Variants in MSN observed in about 807,000 individuals in gnomAD.
MSN encodes the protein moesin.
A neutral mutation model predicts 48.0 loss-of-function variants in MSN; 2 were observed. That is an observed-to-expected ratio of 0.04 (90% CI 0.02 to 0.13). MSN has a LOEUF of 0.13. Ranked by LOEUF, MSN falls within the 10% of genes least tolerant of loss-of-function variation. The pLI is 1.00. For missense variants in MSN, 267 were observed against 470.1 expected, an observed-to-expected ratio of 0.57 and a Z score of 3.99; for synonymous variants, 146 against 166.9, an observed-to-expected ratio of 0.87 and a Z score of 0.97.
chrX:65,691,470 C>CT (rs1236478537), intron 1 of MSN, among the ~76,000 whole-genome samples: 1 of 111,763 alleles, frequency 8.9e-6, no homozygotes, highest in Non-Finnish European at 1.9e-5. Flanking sequence ...GGTGTATATA[C>CT]TTTCACATGT....
At chrX:65,599,491 G>C (rs2070215146) in intron 1 of MSN, among the ~76,000 whole-genome samples, 1 of 111,207 alleles carries the variant, frequency 9.0e-6, no homozygotes, top group Admixed American at 9.6e-5. Context: ...AAATTAGCTG[G>C]GCGTAGTGGC....
rs193137767 is a variant in MSN at position 65,695,217 on chromosome X, C to T, written c.13-21601C>T. On this transcript the variant is annotated intron_variant, in intron 1 of 12. Coordinates refer to ENST00000360270, the MANE Select transcript of MSN (RefSeq NM_002444.3). Reference sequence around the variant, plus strand: ...TCCATGTGTATTGAAAGTATGTTGTCGGGCCGGGCGTGTTGGCTCACGCCT... The same window carrying T: ...TCCATGTGTATTGAAAGTATGTTGTTGGGCCGGGCGTGTTGGCTCACGCCT... 1.8e-3 allele frequency among the ~76,000 whole-genome samples: 193 copies of T among 109,663 alleles called. 1 individual carries two copies. The highest frequency in any genetic ancestry group is 8.8e-3 in the Admixed American group (91 of 10,290).
intron 1 of MSN, among the ~76,000 whole-genome samples, chrX:65,668,822 G>A (rs1377450056): frequency 8.9e-6 from 1 of 112,090 alleles, no homozygotes; most frequent in Non-Finnish European, 1.9e-5. Context: ...GAAAGGCCTG[G>A]TGACCACCCT....
chrX:65,638,403 T>C lies in MSN; in HGVS notation c.-22+49791T>C, dbSNP rs73629467. 8.5e-3 allele frequency among the ~76,000 whole-genome samples: 957 copies of C among 112,390 alleles called. 9 individuals are homozygous for C. Among genetic ancestry groups the C allele is most frequent in the African/African-American group, 0.029 (912 of 31,023 alleles). ...CCATTGTATTTATCACTCTGGGCCTTGATAGTATATTTATACATCTGCTTC... is the reference window on the plus strand; with the variant it reads ...CCATTGTATTTATCACTCTGGGCCTCGATAGTATATTTATACATCTGCTTC... On this transcript the variant is annotated intron_variant, in intron 1 of 3. Transcript: ENST00000609672.
At chrX:65,730,774 G>T (rs1427488389) in intron 4 of MSN, among the ~76,000 whole-genome samples, 1 of 110,983 alleles carries the variant, frequency 9.0e-6, no homozygotes, top group Admixed American at 9.6e-5. Context: ...CATCCCTACT[G>T]TTAGCCCCTA....
chrX:65,639,220 T>C (rs2070629446), intron 1 of MSN, among the ~76,000 whole-genome samples: 1 of 111,248 alleles, frequency 9.0e-6, no homozygotes, highest in South Asian at 3.8e-4. Flanking sequence ...CTTGGCTCAC[T>C]GCGACCTCCG....
intron 1 of MSN, among the ~76,000 whole-genome samples, chrX:65,590,262 C>A (rs1365222264): frequency 9.0e-6 from 1 of 111,409 alleles, no homozygotes; most frequent in African/African-American, 3.3e-5. Context: ...GCACCCCTGG[C>A]ACCTTGCTGC....
chrX:65,653,336 C>T (rs1294058297), intron 1 of MSN, among the ~76,000 whole-genome samples: 1 of 111,170 alleles, frequency 9.0e-6, no homozygotes, highest in Non-Finnish European at 1.9e-5. Flanking sequence ...CTCACATCTT[C>T]ATGTAAATAC....
intron 1 of MSN, among the ~76,000 whole-genome samples, chrX:65,590,464 T>C (rs1285348101): frequency 9.0e-6 from 1 of 110,722 alleles, no homozygotes; most frequent in African/African-American, 3.3e-5. Flanking sequence ...GGGTAACTCA[T>C]TAACAGTGTG....
chrX:65,610,581 T>C (rs183258931), intron 1 of MSN, among the ~76,000 whole-genome samples: 1 of 112,385 alleles, frequency 8.9e-6, no homozygotes. Flanking sequence ...TACAGGTATC[T>C]GTTTGAATAC....
rs999853290 is a variant in MSN at position 65,655,918 on chromosome X, C to T, written c.-21-60900C>T. Among the ~76,000 whole-genome samples, 3 of 111,282 alleles carry T rather than the reference C, an allele frequency of 2.7e-5. No homozygotes were observed. In the Admixed American group the frequency reaches 2.9e-4, roughly 11 times the overall value. On this transcript the variant is annotated intron_variant, in intron 1 of 3. Coordinates refer to the MSN transcript ENST00000609672. ...AGTAGCTGGGACTACAGGTGCCTGC[C>T]ATCATGCCTGGCTAATTTTTGTATT...
At chrX:65,626,746 C>G (rs1414546602) in intron 1 of MSN, among the ~76,000 whole-genome samples, 2 of 111,820 alleles carry the variant, frequency 1.8e-5, no homozygotes, top group Non-Finnish European at 3.8e-5. Flanking sequence ...CAATCCAACA[C>G]TTATCCAGGC....
At chrX:65,663,857 G>A (rs1278253353), upstream of MSN, among the ~76,000 whole-genome samples, 1 of 109,933 alleles carries the variant, frequency 9.1e-6, no homozygotes, top group Non-Finnish European at 1.9e-5. Flanking sequence ...AGGAGATCGA[G>A]ACCATCCTGG....
intron 1 of MSN, among the ~76,000 whole-genome samples, chrX:65,698,696 C>T (rs774598581): frequency 8.9e-6 from 1 of 112,139 alleles, no homozygotes; most frequent in Non-Finnish European, 1.9e-5. Context: ...TGCCCACCCA[C>T]CCAGTGCTTG....
rs754678099 is a variant in MSN at position 65,722,463 on chromosome X, C to T, written c.97-5351C>T. 2.7e-3 allele frequency among the ~76,000 whole-genome samples: 287 copies of T among 105,532 alleles called. 2 individuals carry two copies. Among genetic ancestry groups the T allele is most frequent in the African/African-American group, 9.7e-3 (266 of 27,374 alleles). 91.6% of individuals were successfully genotyped at this position (105,532 alleles called of 115,157 possible). On this transcript the variant is annotated intron_variant, in intron 2 of 12. Coordinates refer to ENST00000360270, the MANE Select transcript of MSN (RefSeq NM_002444.3). ...TGTGTTTGGAGACAAGGTCTCGCTC[C>T]GTCACCCAGGCTGGAGTGCAGTGGT...
intron 1 of MSN, among the ~76,000 whole-genome samples, chrX:65,634,539 G>C (rs1478487764): frequency 9.0e-6 from 1 of 110,667 alleles, no homozygotes; most frequent in African/African-American, 3.3e-5. Context: ...CTTGAACCCG[G>C]GAGGCAGAGG....
At chrX:65,695,107 TGTG>T (rs1359203093) in intron 1 of MSN, among the ~76,000 whole-genome samples, 66 of 81,376 alleles carry the variant, frequency 8.1e-4, no homozygotes, top group African/African-American at 1.7e-3. Context: ...TGTGTGTGTG[TGTG>T]GTGGTGGTGG....
chrX:65,661,858 T>C lies in MSN; in HGVS notation c.-21-54960T>C, dbSNP rs1341637165. 2.7e-5 allele frequency among the ~76,000 whole-genome samples: 3 copies of C among 112,019 alleles called. No individual in the cohort carries two copies. The Admixed American group carries it at 2.8e-4, about 11-fold the overall frequency. ...AACATGGCCCTGTCTCTACTAAAAA[T>C]ACAAAAATTAGCCAGGCATGGTGGC... is the stretch of plus-strand genomic sequence containing the variant. On this transcript the variant is annotated intron_variant, in intron 1 of 3. Transcript: ENST00000609672.
intron 1 of MSN, among the ~76,000 whole-genome samples, chrX:65,688,873 T>G (rs2071144508): frequency 1.8e-5 from 2 of 111,946 alleles, no homozygotes; most frequent in South Asian, 7.4e-4. Flanking sequence ...GCTTTCCACC[T>G]GGTTGAGCCA....
Sources: allele counts gnomAD v4.1 joint callset (sites outside exome capture counted in the v4.1 genomes callset), GRCh38; gene constraint gnomAD v4.1.1; transcripts MANE v1.5; gene names NCBI Gene and HGNC (gene_info 2026-07-23, HGNC 2026-07-21).